The following SOX6 variants were observed in gnomAD, a reference collection of about 807,000 sequenced individuals.
The protein encoded by SOX6 is transcription factor SOX-6.
In SOX6, 11 loss-of-function variants were observed where a neutral mutation model predicts 97.8. The ratio of observed to expected loss-of-function variants is 0.11; its 90% CI spans 0.07 to 0.19. The LOEUF (loss-of-function observed/expected upper bound fraction) is 0.19, where lower values mean the gene tolerates loss of function less well. Among genes scored for constraint, SOX6 ranks in the 10% least tolerant of loss-of-function variants. The probability of loss-of-function intolerance (pLI) is 1.00; values close to 1 mark genes in which losing one functional copy is unlikely to be tolerated. For missense variants in SOX6, 810 were observed against 1,039.5 expected, an observed-to-expected ratio of 0.78 and a Z score of 3.04; for synonymous variants, 360 against 371.4, an observed-to-expected ratio of 0.97 and a Z score of 0.35.
At chr11:16,525,853 A>T (rs1306297714) in intron 4 of SOX6, among the ~76,000 whole-genome samples, 1 of 151,842 alleles carries the variant, frequency 6.6e-6, no homozygotes, top group African/African-American at 2.4e-5. Flanking sequence ...AAAAGAAGAC[A>T]TTTATGCAGC....
chr11:16,397,235 A>G (rs1858388516), intron 1 of SOX6, among the ~76,000 whole-genome samples: 1 of 151,456 alleles, frequency 6.6e-6, no homozygotes. Context: ...ATTTTTATAA[A>G]TATTCAAAAT....
intron 1 of SOX6, among the ~76,000 whole-genome samples, chr11:16,397,119 A>T (rs1484331681): frequency 6.6e-6 from 1 of 151,464 alleles, no homozygotes; most frequent in Non-Finnish European, 1.5e-5. Flanking sequence ...AGAGTTTGTC[A>T]CTGAAGATTC....
intron 1 of SOX6, among the ~76,000 whole-genome samples, chr11:16,349,680 GGA>G (rs1565105548): frequency 2.9e-4 from 18 of 61,334 alleles, no homozygotes; most frequent in African/African-American, 5.5e-4. Flanking sequence ...GAGGGAGGAA[GGA>G]AGGAAGGAAG....
intron 1 of SOX6, among the ~76,000 whole-genome samples, chr11:16,379,686 G>C (rs1210048809): frequency 6.6e-6 from 1 of 151,896 alleles, no homozygotes; most frequent in Non-Finnish European, 1.5e-5. Flanking sequence ...GGGGCATTTT[G>C]GCAATAGGAA....
intron 3 of SOX6, among the ~76,000 whole-genome samples, chr11:16,242,965 T>C (rs542244318): frequency 1.3e-5 from 2 of 152,034 alleles, no homozygotes; most frequent in East Asian, 1.9e-4. Flanking sequence ...CAAGCATGCC[T>C]ATCTCCACTG....
chr11:16,408,643 T>TA (rs1858733262), intron 1 of SOX6: 3 of 152,180 alleles, frequency 2.0e-5, no homozygotes, highest in Admixed American at 6.5e-5. Context: ...AACTATTTTT[T>TA]ACAGGATGAA....
intron 4 of SOX6, among the ~76,000 whole-genome samples, chr11:16,193,102 A>G (rs1263010762): frequency 6.6e-6 from 1 of 152,244 alleles, no homozygotes; most frequent in African/African-American, 2.4e-5. Flanking sequence ...GAAAATCTAG[A>G]AACAACACAG....
At chr11:16,437,195 A>G (rs1859393383) in intron 1 of SOX6, among the ~76,000 whole-genome samples, 1 of 151,716 alleles carries the variant, frequency 6.6e-6, no homozygotes, top group Non-Finnish European at 1.5e-5. Context: ...ACTGACCCCA[A>G]GAGCTCAAGG....
At chr11:16,014,868 A>G in intron 13 of SOX6, 74 bp downstream of exon 13, 2 of 1,380,442 alleles carry the variant, frequency 1.4e-6, no homozygotes, top group South Asian at 2.4e-5. Flanking sequence ...AACTATAAAG[A>G]TCCTATATCT....
chr11:16,032,185 C>T (rs1299916295), intron 12 of SOX6, among the ~76,000 whole-genome samples: 1 of 152,088 alleles, frequency 6.6e-6, no homozygotes, highest in Non-Finnish European at 1.5e-5. Context: ...GACATGGGCT[C>T]TTCCTTCAAG....
chr11:16,165,897 C>CA (rs376656488), intron 6 of SOX6, among the ~76,000 whole-genome samples: 1,562 of 118,308 alleles, frequency 0.013, 19 homozygotes, highest in Middle Eastern at 0.078. Flanking sequence ...GACTCTGTCT[C>CA]AAAAAAAAAA....
chr11:16,418,354 T>C (rs1300069257), intron 1 of SOX6, among the ~76,000 whole-genome samples: 2 of 152,176 alleles, frequency 1.3e-5, no homozygotes, highest in Non-Finnish European at 2.9e-5. Context: ...TCCAAATGCA[T>C]TGCAAGAGAT....
intron 3 of SOX6, among the ~76,000 whole-genome samples, chr11:16,714,196 AG>A (rs1485758828): frequency 6.6e-6 from 1 of 152,108 alleles, no homozygotes; most frequent in African/African-American, 2.4e-5. Context: ...TAGTTCAAAT[AG>A]GTTTATGTAG....
chr11:16,102,938 G>GA (rs1193647688), intron 7 of SOX6, among the ~76,000 whole-genome samples: 1 of 151,800 alleles, frequency 6.6e-6, no homozygotes, highest in African/African-American at 2.4e-5. Flanking sequence ...GATAACATTG[G>GA]AAAAAACCCT....
intron 1 of SOX6, among the ~76,000 whole-genome samples, chr11:16,369,405 A>G (rs1857445376): frequency 6.6e-6 from 1 of 152,122 alleles, no homozygotes; most frequent in African/African-American, 2.4e-5. Flanking sequence ...ACTATATAAT[A>G]TACTTACTTG....
rs185240508 is a variant in SOX6, at chr11:16,505,912, C to T, written n.610-29524G>A. Among the ~76,000 whole-genome samples, 217 of 152,298 alleles carry T rather than the reference C, an allele frequency of 1.4e-3. 1 individual carries two copies. Among genetic ancestry groups the T allele is most frequent in the Admixed American group, 2.2e-3 (33 of 15,302 alleles). ...AAGAGTTGAGGCTTGGGAGCCTCTG[C>T]CTGGATTTCAGAGGATGTATGGAAA... On this transcript the variant is annotated intron_variant and non_coding_transcript_variant, in intron 4 of 5. Transcript: ENST00000524520.
chr11:16,407,553 C>T (rs1445601330), intron 1 of SOX6, among the ~76,000 whole-genome samples: 1 of 152,116 alleles, frequency 6.6e-6, no homozygotes, highest in Admixed American at 6.6e-5. Context: ...ACCAGTCTTT[C>T]CACTCACAGA....
intron 2 of SOX6, among the ~76,000 whole-genome samples, chr11:16,722,403 A>G (rs1441503823): frequency 6.6e-6 from 1 of 152,194 alleles, no homozygotes; most frequent in Non-Finnish European, 1.5e-5. Flanking sequence ...CTGTAATCTC[A>G]GCACTCCGGA....
chr11:16,285,434 T>C (rs186472241), intron 3 of SOX6, among the ~76,000 whole-genome samples: 188 of 152,072 alleles, frequency 1.2e-3, no homozygotes, highest in African/African-American at 3.9e-3. Context: ...GTCGGGAGGC[T>C]GAAACAGGAG....
Sources: gnomAD v4.1 joint callset for allele counts (sites outside exome capture counted in the v4.1 genomes callset) on GRCh38, gnomAD v4.1.1 for gene constraint, MANE v1.5 for transcripts, NCBI Gene and HGNC (gene_info 2026-07-23, HGNC 2026-07-21) for gene names.